The following CD247 variants were observed in gnomAD, a reference collection of about 807,000 sequenced individuals.
The protein encoded by CD247 is T-cell surface glycoprotein CD3 zeta chain.
CD247 carries 13 observed loss-of-function variants against 30.0 expected under a neutral mutation model. The observed-to-expected ratio is 0.43, with a 90% CI of 0.28 to 0.69. The LOEUF is 0.69. Among genes scored for constraint, CD247 ranks in the 30% least tolerant of loss-of-function variants. The pLI is 0.16. For missense variants in CD247, 193 were observed against 212.6 expected (o/e 0.91, Z 0.57); for synonymous variants, 72 against 80.0 (o/e 0.90, Z 0.53).
At chr1:167,493,860 G>A (rs1303987936) in intron 1 of CD247, among the ~76,000 whole-genome samples, 1 of 152,138 alleles carries the variant, frequency 6.6e-6, no homozygotes, top group Non-Finnish European at 1.5e-5. Context: ...CATCTGCTAG[G>A]CTTCTTTATC....
intron 1 of CD247, among the ~76,000 whole-genome samples, chr1:167,476,761 C>T (rs1653764461): frequency 6.6e-6 from 1 of 152,180 alleles, no homozygotes; most frequent in South Asian, 2.1e-4. Flanking sequence ...GATTGTGCCA[C>T]TGCACTCCAG....
At chr1:167,439,718 G>A (rs1417132818) in intron 2 of CD247, 1 of 410,540 alleles carries the variant, frequency 2.4e-6, no homozygotes, top group Non-Finnish European at 4.5e-6. Context: ...TGCGCCCCCG[G>A]GGACATGAGT....
At chr1:167,491,151 T>TA (rs1244181994) in intron 1 of CD247, among the ~76,000 whole-genome samples, 1 of 152,144 alleles carries the variant, frequency 6.6e-6, no homozygotes, top group Non-Finnish European at 1.5e-5. Context: ...GCTACTTGTT[T>TA]AAAAAACAGA....
chr1:167,509,998 C>T (rs1655320017), intron 1 of CD247, among the ~76,000 whole-genome samples: 1 of 152,134 alleles, frequency 6.6e-6, no homozygotes, highest in African/African-American at 2.4e-5. Context: ...CTCCATGATC[C>T]GACAGAGGTT....
intron 1 of CD247, among the ~76,000 whole-genome samples, chr1:167,444,775 C>G (rs1204922657): frequency 1.3e-5 from 2 of 152,216 alleles, no homozygotes; most frequent in African/African-American, 2.4e-5. Context: ...TTCTGTCAAA[C>G]AGATGCAATA....
At chr1:167,438,765 G>T in intron 3 of CD247, 115 bp from the exon 4 acceptor site, 1 of 818,090 alleles carries the variant, frequency 1.2e-6, no homozygotes, top group South Asian at 1.3e-5. Flanking sequence ...AAGAGGGGCA[G>T]GGGCTGGGGA....
chr1:167,444,833 A>G (rs187466321), intron 1 of CD247, among the ~76,000 whole-genome samples: 138 of 152,334 alleles, frequency 9.1e-4, no homozygotes, highest in Middle Eastern at 3.4e-3. Flanking sequence ...TGAACTGTGT[A>G]TTATGGAACT....
At chr1:167,440,504 C>T in intron 2 of CD247, 160 bp downstream of exon 2, 7 of 675,256 alleles carry the variant, frequency 1.0e-5, no homozygotes, top group Non-Finnish European at 1.9e-5. Context: ...ACCTCCTCCT[C>T]AGCCCACTCA....
chr1:167,431,860 G>A (rs1053435576), intron 7 of CD247, 114 bp from the exon 8 acceptor site: 42 of 864,036 alleles, frequency 4.9e-5, no homozygotes, highest in Admixed American at 1.4e-4. Context: ...CACCCACCCA[G>A]CCTCCAGAGG....
At chr1:167,472,924 G>C (rs1653590729) in intron 1 of CD247, among the ~76,000 whole-genome samples, 1 of 152,158 alleles carries the variant, frequency 6.6e-6, no homozygotes, top group East Asian at 1.9e-4. Flanking sequence ...CTGCATGAAA[G>C]ATCAGTGAAC....
At chr1:167,481,455 G>T (rs1187216015) in intron 1 of CD247, among the ~76,000 whole-genome samples, 1 of 152,150 alleles carries the variant, frequency 6.6e-6, no homozygotes, top group African/African-American at 2.4e-5. Context: ...ATGACGCAGG[G>T]GAGAAAGTTG....
chr1:167,488,951 G>A (rs570474720), intron 1 of CD247, among the ~76,000 whole-genome samples: 87 of 152,304 alleles, frequency 5.7e-4, no homozygotes, highest in African/African-American at 1.9e-3. Context: ...GCTGTGGGCC[G>A]GGCCTCTTCT....
intron 1 of CD247, among the ~76,000 whole-genome samples, chr1:167,488,401 C>T (rs1201610982): frequency 6.6e-6 from 1 of 152,212 alleles, no homozygotes; most frequent in Admixed American, 6.5e-5. Flanking sequence ...ACTCCAAGTA[C>T]AGCAAGTGGG....
At chr1:167,456,176 C>T (rs1005983938) in intron 1 of CD247, among the ~76,000 whole-genome samples, 3 of 152,218 alleles carry the variant, frequency 2.0e-5, no homozygotes, top group African/African-American at 7.2e-5. Context: ...GGCACACATA[C>T]CCAGTGCATG....
intron 1 of CD247, among the ~76,000 whole-genome samples, chr1:167,445,467 G>C (rs946502937): frequency 2.0e-5 from 3 of 152,060 alleles, no homozygotes; most frequent in Non-Finnish European, 2.9e-5. Flanking sequence ...TAGGCATACG[G>C]GTCATTGTAT....
intron 5 of CD247, 71 bp from the exon 6 acceptor site, chr1:167,434,147 G>C: frequency 7.1e-7 from 1 of 1,411,870 alleles, no homozygotes; most frequent in East Asian, 2.3e-5. Context: ...CCTACAACAG[G>C]AAGCTTCTTG....
chr1:167,437,276 A>T (rs2949670), intron 4 of CD247, among the ~76,000 whole-genome samples: 131,027 of 151,888 alleles, frequency 0.86, 56,675 homozygotes, highest in South Asian at 0.91. Context: ...GTGGTGGCGC[A>T]TGCCTGTAAT....
chr1:167,514,468 C>T lies in CD247; in HGVS notation c.58+3940G>A, dbSNP rs547049308. 4.3e-4 allele frequency among the ~76,000 whole-genome samples: 66 copies of T among 152,250 alleles called. 1 individual carries two copies. The highest frequency in any genetic ancestry group is 7.5e-4 in the Non-Finnish European group (51 of 68,006). ...TCTGCTCCAGGTACCATGCTAAGTG[C>T]TGGGTAGAGCTGTGAGCGTGACAGG... is the stretch of plus-strand genomic sequence containing the variant. On this transcript the variant is annotated intron_variant, in intron 1 of 7. Coordinates refer to ENST00000362089, the MANE Select transcript of CD247 (RefSeq NM_198053.3).
intron 1 of CD247, among the ~76,000 whole-genome samples, chr1:167,446,972 A>G (rs6673609): frequency 0.12 from 18,119 of 152,142 alleles, 1,571 homozygotes; most frequent in African/African-American, 0.24. Context: ...TCCAGCCTGG[A>G]CAACAGAGTG....
Sources: allele counts gnomAD v4.1 joint callset (sites outside exome capture counted in the v4.1 genomes callset), GRCh38; gene constraint gnomAD v4.1.1; transcripts MANE v1.5; gene names NCBI Gene and HGNC (gene_info 2026-07-23, HGNC 2026-07-21).